The following SORCS2 variants were observed in gnomAD, a reference collection of about 807,000 sequenced individuals.
The protein encoded by SORCS2 is VPS10 domain-containing receptor SorCS2.
Under a neutral mutation model 141.6 loss-of-function variants are expected in SORCS2, and 100 were observed. That is an observed-to-expected ratio of 0.71 (90% CI 0.60 to 0.83). The LOEUF (loss-of-function observed/expected upper bound fraction) is 0.83. SORCS2 is among the 40% of genes least tolerant of loss of function. The pLI, the probability that SORCS2 is intolerant of heterozygous loss-of-function variation, is 0.00. For missense variants in SORCS2, 1,646 were observed against 1,560.2 expected (o/e 1.05, Z -0.93); for synonymous variants, 789 against 676.9 (o/e 1.17, Z -2.57).
intron 2 of SORCS2, among the ~76,000 whole-genome samples, chr4:7,425,237 T>A (rs1726350098): frequency 6.6e-6 from 1 of 152,220 alleles, no homozygotes; most frequent in Non-Finnish European, 1.5e-5. Flanking sequence ...TTGATCGCTG[T>A]GGGGTGACCT....
intron 2 of SORCS2, among the ~76,000 whole-genome samples, chr4:7,424,073 A>T (rs1311251284): frequency 1.3e-5 from 2 of 152,082 alleles, no homozygotes; most frequent in African/African-American, 4.8e-5. Context: ...GGAGAGTGGG[A>T]TGTTGCCAGC....
intron 1 of SORCS2, among the ~76,000 whole-genome samples, chr4:7,216,161 C>A (rs993188532): frequency 3.9e-5 from 6 of 152,196 alleles, no homozygotes; most frequent in African/African-American, 7.2e-5. Flanking sequence ...GACGCGCCGC[C>A]TTAAGAACTG....
chr4:7,512,489 G>T (rs6817888), intron 2 of SORCS2, among the ~76,000 whole-genome samples: 41,733 of 151,394 alleles, frequency 0.28, 6,024 homozygotes, highest in South Asian at 0.38. Flanking sequence ...GAGGGCTGGG[G>T]TGGCCAACCA....
At chr4:7,481,765 A>G (rs1238282275) in intron 2 of SORCS2, among the ~76,000 whole-genome samples, 1 of 152,024 alleles carries the variant, frequency 6.6e-6, no homozygotes, top group Admixed American at 6.5e-5. Flanking sequence ...CCTGGAGAGA[A>G]CCCAGGGAAA....
chr4:7,607,878 C>T (rs1718160738), intron 3 of SORCS2, among the ~76,000 whole-genome samples: 1 of 152,130 alleles, frequency 6.6e-6, no homozygotes, highest in South Asian at 2.1e-4. Context: ...CAGCCTGGAC[C>T]CCAGAGCGTC....
intron 19 of SORCS2, among the ~76,000 whole-genome samples, chr4:7,724,105 A>AGTGGTGGTG (rs1264158350): frequency 7.4e-6 from 1 of 135,974 alleles, no homozygotes; most frequent in African/African-American, 3.2e-5. Flanking sequence ...TATTGATGAT[A>AGTGGTGGTG]GTGGTGGTGA....
chr4:7,375,585 G>T (rs1021069030), intron 1 of SORCS2, among the ~76,000 whole-genome samples: 1 of 152,194 alleles, frequency 6.6e-6, no homozygotes, highest in African/African-American at 2.4e-5. Context: ...GCACTTCCTC[G>T]ATTGCATGGA....
intron 3 of SORCS2, among the ~76,000 whole-genome samples, chr4:7,546,939 T>G (rs1560376217): frequency 6.6e-6 from 1 of 152,194 alleles, no homozygotes; most frequent in Non-Finnish European, 1.5e-5. Context: ...ATAGCTTAAA[T>G]TCCAAAGTGA....
intron 1 of SORCS2, among the ~76,000 whole-genome samples, chr4:7,360,571 CTTTTT>C (rs753548897): frequency 0.077 from 3,772 of 49,186 alleles, 155 homozygotes; most frequent in East Asian, 0.4. Flanking sequence ...CCAGTCCCTT[CTTTTT>C]TTTTTTTTTT....
intron 11 of SORCS2, among the ~76,000 whole-genome samples, chr4:7,690,912 A>G (rs894623619): frequency 6.6e-6 from 1 of 152,236 alleles, no homozygotes. Flanking sequence ...CTGATTAAAT[A>G]ATACCATAAA....
intron 12 of SORCS2, among the ~76,000 whole-genome samples, chr4:7,700,663 A>G (rs1261674539): frequency 6.6e-6 from 1 of 152,222 alleles, no homozygotes; most frequent in Non-Finnish European, 1.5e-5. Flanking sequence ...AGCTAGCATT[A>G]GGACAGAGGA....
At chr4:7,496,734 G>A (rs866318745) in intron 2 of SORCS2, among the ~76,000 whole-genome samples, 6 of 152,182 alleles carry the variant, frequency 3.9e-5, no homozygotes, top group South Asian at 2.1e-4. Flanking sequence ...GGAGCGAGGC[G>A]TGGGTGGGAA....
chr4:7,738,661 G>C lies in SORCS2; in HGVS notation c.3415+1489G>C, dbSNP rs116989252. 2.1e-4 allele frequency among the ~76,000 whole-genome samples: 32 copies of C among 152,262 alleles called. No individual in the cohort carries two copies. In the East Asian group the frequency reaches 5.0e-3, roughly 24 times the overall value. ...ACTGCCGTTCTGATGATCCGGCTTC[G>C]AGCGTCACTCACACTCTGCATCCGG... On this transcript the variant is annotated intron_variant, in intron 26 of 26. Transcript: ENST00000507866.
chr4:7,563,812 G>A (rs1459936305), intron 3 of SORCS2, among the ~76,000 whole-genome samples: 1 of 152,186 alleles, frequency 6.6e-6, no homozygotes, highest in Admixed American at 6.5e-5. Flanking sequence ...ATTCAAAGTG[G>A]TCTAGTCATT....
chr4:7,443,345 G>A (rs1211598624), intron 2 of SORCS2, among the ~76,000 whole-genome samples: 2 of 152,172 alleles, frequency 1.3e-5, no homozygotes, highest in Non-Finnish European at 2.9e-5. Flanking sequence ...GCATCTTAGG[G>A]CGGGCACCCG....
chr4:7,533,013 C>G (rs1711789893), intron 3 of SORCS2, among the ~76,000 whole-genome samples: 1 of 151,230 alleles, frequency 6.6e-6, no homozygotes, highest in Non-Finnish European at 1.5e-5. Flanking sequence ...CCAGCCCCTG[C>G]TTCTTCCCAG....
At chr4:7,271,343 TCTC>T (rs1381873206) in intron 1 of SORCS2, among the ~76,000 whole-genome samples, 12 of 152,134 alleles carry the variant, frequency 7.9e-5, no homozygotes, top group Non-Finnish European at 1.5e-5. Flanking sequence ...TTCAGCCTCA[TCTC>T]CTGTTCCTCT....
At chr4:7,625,888 C>T (rs1719486542) in intron 3 of SORCS2, among the ~76,000 whole-genome samples, 1 of 151,090 alleles carries the variant, frequency 6.6e-6, no homozygotes, top group South Asian at 2.1e-4. Context: ...TCTGTGATCT[C>T]AGCACTGTGT....
intron 1 of SORCS2, among the ~76,000 whole-genome samples, chr4:7,255,246 G>A (rs551160858): frequency 9.9e-5 from 15 of 152,052 alleles, no homozygotes; most frequent in Middle Eastern, 3.4e-3. Flanking sequence ...GGCAGTTTCC[G>A]TGGGCCTTGG....
Sources: gnomAD v4.1 joint callset for allele counts (sites outside exome capture counted in the v4.1 genomes callset) on GRCh38, gnomAD v4.1.1 for gene constraint, MANE v1.5 for transcripts, NCBI Gene and HGNC (gene_info 2026-07-23, HGNC 2026-07-21) for gene names.